CSMD1: variants seen among roughly 807,000 people sequenced by gnomAD.
CSMD1 encodes CUB and Sushi multiple domains 1, also known as CUB and sushi domain-containing protein 1.
CSMD1 carries 213 observed loss-of-function variants against 417.5 expected under a neutral mutation model. The observed-to-expected ratio is 0.51, with a 90% CI of 0.46 to 0.57. CSMD1 has a LOEUF of 0.57. Among genes scored for constraint, CSMD1 ranks in the 20% least tolerant of loss-of-function variants. The pLI is 0.00. For missense variants in CSMD1, 6,923 were observed against 4,529.7 expected, an observed-to-expected ratio of 1.53 and a Z score of -15.17; for synonymous variants, 2,862 against 1,736.8, an observed-to-expected ratio of 1.65 and a Z score of -16.11.
chr8:3,670,615 G>C (rs555550266), intron 7 of CSMD1, among the ~76,000 whole-genome samples: 3 of 146,576 alleles, frequency 2.0e-5, no homozygotes, highest in African/African-American at 5.0e-5. Flanking sequence ...CATATATATG[G>C]GGATATATAT....
At chr8:3,966,183 G>C (rs1285557262) in intron 5 of CSMD1, among the ~76,000 whole-genome samples, 1 of 152,118 alleles carries the variant, frequency 6.6e-6, no homozygotes, top group African/African-American at 2.4e-5. Context: ...AAATGTCTAA[G>C]GTACCACGGT....
chr8:3,599,852 T>A (rs1801277519), intron 8 of CSMD1, among the ~76,000 whole-genome samples: 1 of 152,218 alleles, frequency 6.6e-6, no homozygotes, highest in Non-Finnish European at 1.5e-5. Context: ...ACAAATTCTT[T>A]CATACACAAG....
intron 3 of CSMD1, among the ~76,000 whole-genome samples, chr8:4,264,866 C>T (rs1012180355): frequency 6.6e-6 from 1 of 152,104 alleles, no homozygotes; most frequent in Non-Finnish European, 1.5e-5. Flanking sequence ...AAATTAAGTG[C>T]CCTAGGTAGG....
chr8:4,038,658 A>AAAAGTAGAG (rs1563349593), intron 3 of CSMD1, among the ~76,000 whole-genome samples: 21 of 152,168 alleles, frequency 1.4e-4, no homozygotes, highest in Admixed American at 9.2e-4. Flanking sequence ...AATTCTCTTT[A>AAAAGTAGAG]TTTATTTCCT....
At chr8:4,357,329 T>C (rs1448648694) in intron 3 of CSMD1, among the ~76,000 whole-genome samples, 1 of 152,224 alleles carries the variant, frequency 6.6e-6, no homozygotes, top group East Asian at 1.9e-4. Flanking sequence ...ATCATGCCTG[T>C]TGCGTAAGCT....
chr8:4,921,751 G>C (rs1319592148), intron 1 of CSMD1, among the ~76,000 whole-genome samples: 2 of 152,102 alleles, frequency 1.3e-5, no homozygotes, highest in Admixed American at 6.5e-5. Context: ...TTGTTGTTCT[G>C]AGTAATTATT....
At chr8:4,071,418 G>A (rs1053155072) in intron 3 of CSMD1, among the ~76,000 whole-genome samples, 3 of 151,956 alleles carry the variant, frequency 2.0e-5, no homozygotes, top group African/African-American at 4.8e-5. Flanking sequence ...TTGTAGTTTA[G>A]ATATTTAATT....
chr8:4,454,593 G>C lies in CSMD1; in HGVS notation c.303-34528C>G, dbSNP rs151260948. Among the ~76,000 whole-genome samples, 188 of 152,306 alleles carry C rather than the reference G, an allele frequency of 1.2e-3. 5 individuals are homozygous for C. The East Asian group carries it at 0.03, about 24-fold the overall frequency. ...CCCAATGCAGCACTGATTTAGGGCT[G>C]GCTGGGGAAGGAGGGCATAGCAGAA... On this transcript the variant is annotated intron_variant, in intron 2 of 69. Transcript: ENST00000635120.
At chr8:4,906,702 G>A (rs1355866601) in intron 1 of CSMD1, among the ~76,000 whole-genome samples, 5 of 152,058 alleles carry the variant, frequency 3.3e-5, no homozygotes, top group African/African-American at 7.2e-5. Context: ...GACTACAGGC[G>A]CATGCCACCA....
At chr8:4,402,995 T>G (rs1487250893) in intron 3 of CSMD1, among the ~76,000 whole-genome samples, 1 of 151,520 alleles carries the variant, frequency 6.6e-6, no homozygotes, top group Non-Finnish European at 1.5e-5. Context: ...AATTTTCTTT[T>G]GTTGTTGTTG....
At chr8:4,881,039 G>A (rs925030516) in intron 1 of CSMD1, among the ~76,000 whole-genome samples, 1 of 151,792 alleles carries the variant, frequency 6.6e-6, no homozygotes, top group Non-Finnish European at 1.5e-5. Context: ...CCATTTTTCA[G>A]GGCTCAGTTC....
intron 12 of CSMD1, among the ~76,000 whole-genome samples, chr8:3,443,334 G>C (rs1303301524): frequency 1.3e-5 from 2 of 149,754 alleles, no homozygotes; most frequent in African/African-American, 2.5e-5. Context: ...AGAGAAAGAG[G>C]AGAGAGAGAG....
At position 4,041,804 on chromosome 8, in the gene CSMD1, C is replaced by A. The variant is rs139518446; in HGVS notation, c.416-9705G>T. On this transcript the variant is annotated intron_variant, in intron 3 of 69. Coordinates refer to ENST00000635120, the MANE Select transcript of CSMD1 (RefSeq NM_033225.6). ...TGGGAAATATTAAAAAACAAACAAA[C>A]ATACCCACAAAAAAACAAAACAAAC... Among the ~76,000 whole-genome samples the A allele has an allele frequency of 4.9e-3, 750 of 151,870 alleles. 8 individuals are homozygous for A. The highest frequency in any genetic ancestry group is 0.017 in the African/African-American group (718 of 41,402).
intron 46 of CSMD1, among the ~76,000 whole-genome samples, chr8:3,097,883 G>T (rs911781500): frequency 5.9e-5 from 9 of 152,194 alleles, no homozygotes; most frequent in Non-Finnish European, 1.0e-4. Flanking sequence ...ATCTCAGCAG[G>T]AGCCCTGATT....
intron 27 of CSMD1, among the ~76,000 whole-genome samples, chr8:3,225,178 T>C (rs776138506): frequency 6.6e-6 from 1 of 151,704 alleles, no homozygotes. Context: ...CTTTAAATAC[T>C]TATTTAACAT....
At chr8:4,541,759 A>G (rs965390529) in intron 2 of CSMD1, among the ~76,000 whole-genome samples, 39 of 152,196 alleles carry the variant, frequency 2.6e-4, no homozygotes, top group African/African-American at 8.4e-4. Context: ...TAAGATAAAG[A>G]AAAAAAGAAT....
chr8:3,215,017 T>C (rs995441670), intron 29 of CSMD1, among the ~76,000 whole-genome samples: 1 of 152,228 alleles, frequency 6.6e-6, no homozygotes, highest in Non-Finnish European at 1.5e-5. Context: ...CTACAGATTT[T>C]AGGACTGAAT....
intron 3 of CSMD1, among the ~76,000 whole-genome samples, chr8:4,317,252 T>C (rs969997587): frequency 1.3e-5 from 2 of 152,172 alleles, no homozygotes; most frequent in South Asian, 4.1e-4. Context: ...TTTTCTTTTT[T>C]TTACTATGTA....
intron 5 of CSMD1, among the ~76,000 whole-genome samples, chr8:3,932,785 T>A (rs1246237003): frequency 6.7e-6 from 1 of 150,290 alleles, no homozygotes; most frequent in Non-Finnish European, 1.5e-5. Context: ...TGAAGCTGAG[T>A]TTTCATTTCA....
Sources: allele counts gnomAD v4.1 joint callset (sites outside exome capture counted in the v4.1 genomes callset), GRCh38; gene constraint gnomAD v4.1.1; transcripts MANE v1.5; gene names NCBI Gene and HGNC (gene_info 2026-07-23, HGNC 2026-07-21).